The following BAHCC1 variants were observed in gnomAD, a reference collection of about 807,000 sequenced individuals.
BAHCC1 encodes the protein BAH domain and coiled-coil containing 1.
BAHCC1 carries 43 observed loss-of-function variants against 88.2 expected under a neutral mutation model. That is an observed-to-expected ratio of 0.49 (90% CI 0.38 to 0.63). The LOEUF is 0.63. Among genes scored for constraint, BAHCC1 ranks in the 20% least tolerant of loss-of-function variants. BAHCC1 has a pLI of 0.00. For synonymous variants in BAHCC1, 1,510 were observed against 745.5 expected (o/e 2.03, Z -16.71); for missense variants, 3,023 against 1,654.8 (o/e 1.83, Z -14.34).
Position 81,455,374 on chromosome 17 carries a change from T to G in BAHCC1, c.4553T>G (p.Leu1518Arg), listed in dbSNP as rs2064729197. 1 of 716,380 alleles carries G rather than the reference T, an allele frequency of 1.4e-6. No individual in the cohort carries two copies. Among genetic ancestry groups the G allele is most frequent in the African/African-American group, 1.7e-5 (1 of 57,386 alleles). 44.4% of individuals were successfully genotyped at this position (716,380 alleles called of 1,614,324 possible). A position where few individuals can be genotyped will look rare whatever the true frequency, so the allele number is the denominator to read the frequency against. ...SKLERSVYAGLQTASVEKAQC... is the reference protein window; with the variant it reads ...SKLERSVYAGRQTASVEKAQC... ...CTGGAGAGGAGCGTCTATGCGGGCC[T>G]GCAGACTGCCTCCGTGGTGAGTGCC... Residue 1518 changes from leucine to arginine, a missense_variant, in exon 15 of 28, where the codon CTG (leucine) becomes CGG (arginine). Transcript: ENST00000675386.
At chr17:81,450,248 T>TCTGGCTC (rs2064608900) in intron 11 of BAHCC1, among the ~76,000 whole-genome samples, 1 of 151,998 alleles carries the variant, frequency 6.6e-6, no homozygotes, top group African/African-American at 2.4e-5. Context: ...CCGCAAGGTG[T>TCTGGCTC]CTGGCTCCTG....
Position 81,436,896 on chromosome 17 carries a change from A to T in BAHCC1, c.359-1474A>T, listed in dbSNP as rs554831281. ...ACTTCCCAGGGCCTTCCCTGTGCTC[A>T]CGCCCTACACGACTCCAAATGGGAC... On this transcript the variant is annotated intron_variant, in intron 3 of 27. Coordinates refer to ENST00000675386, the MANE Select transcript of BAHCC1 (RefSeq NM_001377448.1). Among the ~76,000 whole-genome samples the T allele has an allele frequency of 1.8e-3, 269 of 147,972 alleles. 5 individuals carry two copies. Among genetic ancestry groups the T allele is most frequent in the Admixed American group, 0.015 (227 of 14,926 alleles).
chr17:81,458,296 A>G lies in BAHCC1; in HGVS notation c.5173A>G (p.Lys1725Glu). 1.3e-6 allele frequency: 1 copy of G among 750,434 alleles called. No individual in the cohort carries two copies. Among genetic ancestry groups the G allele is most frequent in the South Asian group, 1.4e-5 (1 of 70,190 alleles). The allele number at this position is 750,434 out of a possible 1,614,324, so 46.5% of individuals were successfully genotyped here. A position where few individuals can be genotyped will look rare whatever the true frequency, so the allele number is the denominator to read the frequency against. Residue 1725 changes from lysine (K) to glutamate (E), a missense_variant, in exon 18 of 28, where the codon AAG becomes GAG. Transcript: ENST00000675386. ...PPGALGKKKA[K>E]GKAKGSLRAE... Reference sequence around the variant, plus strand: ...AGGTGCGCTGGGCAAGAAGAAAGCCAAGGGCAAGGCCAAGGGCAGCCTGCG... The same window carrying G: ...AGGTGCGCTGGGCAAGAAGAAAGCCGAGGGCAAGGCCAAGGGCAGCCTGCG...
intron 3 of BAHCC1, among the ~76,000 whole-genome samples, chr17:81,428,859 G>C (rs1281077790): frequency 6.6e-6 from 1 of 152,248 alleles, no homozygotes; most frequent in Non-Finnish European, 1.5e-5. Flanking sequence ...ATCTGCTCCC[G>C]AGCCCTTGGG....
intron 23 of BAHCC1, among the ~76,000 whole-genome samples, chr17:81,460,028 G>A (rs75173684): frequency 1.1e-4 from 16 of 152,024 alleles, no homozygotes; most frequent in African/African-American, 3.9e-4. Context: ...GCACGTGGGC[G>A]TCAGCACGTG....
chr17:81,448,268 G>A (rs562697522), intron 11 of BAHCC1, among the ~76,000 whole-genome samples: 4 of 152,192 alleles, frequency 2.6e-5, no homozygotes, highest in African/African-American at 7.2e-5. Flanking sequence ...TTCAGGAACC[G>A]TCGGCTCCCC....
intron 2 of BAHCC1, among the ~76,000 whole-genome samples, chr17:81,412,230 A>T (rs1598457800): frequency 6.6e-6 from 1 of 152,246 alleles, no homozygotes; most frequent in Non-Finnish European, 1.5e-5. Flanking sequence ...CCTTGTGGGC[A>T]GTTTTCCTGG....
chr17:81,435,502 C>T lies in BAHCC1; in HGVS notation c.359-2868C>T. ...CTCTGGCGGTTCGCTTAGCCCAGGG[C>T]TTGCCCTTGTCTGTTGGGGTGATCA... On this transcript the variant is annotated intron_variant, in intron 3 of 27. Coordinates refer to ENST00000675386, the MANE Select transcript of BAHCC1 (RefSeq NM_001377448.1). This position sits in a 1 kb window ranked among gnomAD's most constrained non-coding sequence, Gnocchi z 4.4. 1 of 470,958 alleles carries T rather than the reference C, an allele frequency of 2.1e-6. No individual in the cohort carries two copies. Among genetic ancestry groups the T allele is most frequent in the Non-Finnish European group, 4.4e-6 (1 of 226,896 alleles). 29.2% of individuals were successfully genotyped at this position (470,958 alleles called of 1,614,324 possible).
chr17:81,459,402 G>A (rs2030045731), intron 22 of BAHCC1, 74 bp downstream of exon 22: 1 of 757,688 alleles, frequency 1.3e-6, no homozygotes, highest in Non-Finnish European at 2.5e-6. Context: ...GCCTTGGCCT[G>A]GGCCGCAGCC....
chr17:81,413,214 G>GC (rs1219963252), intron 2 of BAHCC1: 599 of 297,908 alleles, frequency 2.0e-3, no homozygotes, highest in South Asian at 3.7e-3. Flanking sequence ...TGCTGACCAT[G>GC]CCCCCCCCGG....
rs1598444708 is a variant in BAHCC1 at position 81,399,880 on chromosome 17, G to C, written c.141G>C (p.Lys47Asn). Residue 47 changes from lysine to asparagine, a missense_variant, in exon 2 of 28, where the codon AAG (lysine) becomes AAC (asparagine). Physicochemically the swap from Lys to Asn is moderately conservative, Grantham distance 94. Transcript: ENST00000675386. This position sits in a 1 kb window ranked among gnomAD's most constrained non-coding sequence, Gnocchi z 4.5. ...AQPPAHFQPGKYFPSPLPMAS... is the reference protein window; with the variant it reads ...AQPPAHFQPGNYFPSPLPMAS... ...CCCCCGCACACTTCCAGCCGGGAAA[G>C]TACTTCCCGTCGCCGTTGCCCATGG... 1.4e-6 allele frequency: 2 copies of C among 1,450,854 alleles called. No individual in the cohort carries two copies. Among genetic ancestry groups the C allele is most frequent in the South Asian group, 2.7e-5 (2 of 74,406 alleles). The allele number at this position is 1,450,854 out of a possible 1,614,324, so 89.9% of individuals were successfully genotyped here.
chr17:81,399,894 C>G lies in BAHCC1; in HGVS notation c.155C>G (p.Pro52Arg). 1 of 1,449,158 alleles carries G rather than the reference C, an allele frequency of 6.9e-7. No homozygotes were observed. The highest frequency in any genetic ancestry group is 3.0e-5 in the East Asian group (1 of 32,790). 89.8% of individuals were successfully genotyped at this position (1,449,158 alleles called of 1,614,324 possible). ...CAGCCGGGAAAGTACTTCCCGTCGC[C>G]GTTGCCCATGGCTTCGCACACAGGT... ...HFQPGKYFPS[P>R]LPMASHTASS... The change falls in exon 2 of 28, where the codon CCG becomes CGG. Residue 52 changes from proline to arginine, a missense_variant. Transcript: ENST00000675386. This position sits in a 1 kb window ranked among gnomAD's most constrained non-coding sequence, Gnocchi z 4.5.
chr17:81,439,838 G>C (rs1252837458), intron 4 of BAHCC1, among the ~76,000 whole-genome samples: 2 of 152,114 alleles, frequency 1.3e-5, no homozygotes, highest in Admixed American at 6.5e-5. Context: ...CCCCAACTCT[G>C]AGTGTGAGCT....
At chr17:81,428,798 AC>A (rs1326282840) in intron 3 of BAHCC1, among the ~76,000 whole-genome samples, 1 of 151,898 alleles carries the variant, frequency 6.6e-6, no homozygotes, top group Non-Finnish European at 1.5e-5. Flanking sequence ...CACCCCGGGG[AC>A]CCCCACCACT....
intron 2 of BAHCC1, among the ~76,000 whole-genome samples, chr17:81,405,011 G>A (rs917985284): frequency 6.6e-6 from 1 of 152,204 alleles, no homozygotes; most frequent in African/African-American, 2.4e-5. Flanking sequence ...CTGTGGATAT[G>A]ATCTGAAGCT....
Position 81,425,522 on chromosome 17 carries a change from G to A in BAHCC1, c.179-1278G>A, listed in dbSNP as rs537979765. 7.7e-5 allele frequency among the ~76,000 whole-genome samples: 10 copies of A among 129,626 alleles called. No individual in the cohort carries two copies. In the South Asian group the frequency reaches 2.4e-3, roughly 32 times the overall value. The allele number at this position is 129,626 out of a possible 152,430, so 85.0% of individuals were successfully genotyped here. ...ATGTGGTTGGGGGTGATAGTGGTGG[G>A]TGATGTGGTTGGTGTGATGTGGTTG... On this transcript the variant is annotated intron_variant, in intron 2 of 27. Coordinates refer to ENST00000675386, the MANE Select transcript of BAHCC1 (RefSeq NM_001377448.1).
At position 81,445,632 on chromosome 17, in the gene BAHCC1, G is replaced by T; in HGVS notation, c.3114G>T (p.Lys1038Asn). Residue 1038 changes from lysine (K) to asparagine (N), a missense_variant, in exon 10 of 28, where the codon AAG (lysine) becomes AAT (asparagine). Lys to Asn is a moderately conservative substitution (Grantham distance 94). Coordinates refer to ENST00000675386, the MANE Select transcript of BAHCC1 (RefSeq NM_001377448.1). The stretch of plus-strand genomic sequence containing the variant: ...CCCGGGTGCGCAGCGCCGAGGAAAA[G>T]AATGGGGAGGGTCAGCAGTCCACGG... ...PGSRVRSAEE[K>N]NGEGQQSTAD... 1 of 734,388 alleles carries T rather than the reference G, an allele frequency of 1.4e-6. No individual in the cohort carries two copies. The highest frequency in any genetic ancestry group is 2.5e-6 in the Non-Finnish European group (1 of 395,422). The allele number at this position is 734,388 out of a possible 1,614,324, so 45.5% of individuals were successfully genotyped here.
intron 1 of BAHCC1, among the ~76,000 whole-genome samples, chr17:81,397,373 C>T (rs1555645068): frequency 7.0e-6 from 1 of 143,802 alleles, no homozygotes; most frequent in Non-Finnish European, 1.5e-5. Flanking sequence ...GCTTTCTCAA[C>T]TTTGAAATTT....
chr17:81,412,161 C>T (rs544145138), intron 2 of BAHCC1, among the ~76,000 whole-genome samples: 3 of 152,358 alleles, frequency 2.0e-5, no homozygotes, highest in East Asian at 1.9e-4. Flanking sequence ...CGTAGTGGGA[C>T]AGCTACCCCA....
Sources: gnomAD v4.1 joint callset for allele counts (sites outside exome capture counted in the v4.1 genomes callset) on GRCh38, gnomAD v4.1.1 for gene constraint, Gnocchi (gnomAD v3.1) non-coding constraint, MANE v1.5 for transcripts, NCBI Gene and HGNC (gene_info 2026-07-23, HGNC 2026-07-21) for gene names.